Variants in ANKRD26 observed in about 807,000 individuals in gnomAD.
ANKRD26 encodes the protein ankyrin repeat domain 26.
A neutral mutation model predicts 208.7 loss-of-function variants in ANKRD26; 141 were observed. That is an observed-to-expected ratio of 0.68 (90% CI 0.59 to 0.78). ANKRD26 has a LOEUF of 0.78. Ranked by LOEUF, ANKRD26 falls within the 30% of genes least tolerant of loss-of-function variation. ANKRD26 has a pLI of 0.00. For synonymous variants in ANKRD26, 636 were observed against 660.4 expected (o/e 0.96, Z 0.57); for missense variants, 1,889 against 1,938.7 (o/e 0.97, Z 0.48).
At chr10:27,027,195 C>G (rs184924303) in intron 27 of ANKRD26, among the ~76,000 whole-genome samples, 22 of 152,300 alleles carry the variant, frequency 1.4e-4, no homozygotes, top group African/African-American at 4.8e-4. Context: ...GCAGCCATTT[C>G]TACTTTTTCA....
chr10:26,971,035 G>C (rs73596338), downstream of ANKRD26, among the ~76,000 whole-genome samples: 20,288 of 152,184 alleles, frequency 0.13, 3,164 homozygotes, highest in African/African-American at 0.37. Context: ...AAAATGTAAA[G>C]AAATAGCATG....
Position 27,093,793 on chromosome 10 carries a change from A to G in ANKRD26, c.249T>C (p.Ala83=). The change falls in exon 2 of 34, where the codon GCT becomes GCC. Residue 83 remains alanine (A), a synonymous_variant. Coordinates refer to ENST00000376087, the MANE Select transcript of ANKRD26 (RefSeq NM_014915.3). ...GACCATTGGCACAGGCCAAATGTAG[A>G]GCCGTCCTATGAGAGTGACAGGACT... ...LNDRDKMNRT[A]LHLACANGHP... 6.2e-7 allele frequency: 1 copy of G among 1,613,550 alleles called. No homozygotes were observed. The highest frequency in any genetic ancestry group is 8.5e-7 in the Non-Finnish European group (1 of 1,179,420).
chr10:27,046,655 C>G, intron 17 of ANKRD26, 132 bp from the exon 18 acceptor site: 1 of 867,456 alleles, frequency 1.2e-6, no homozygotes, highest in Non-Finnish European at 1.7e-6. Context: ...GTAATTCTAA[C>G]AAAGAATAAA....
chr10:26,972,126 T>G (rs7083260), downstream of ANKRD26, among the ~76,000 whole-genome samples: 6 of 151,286 alleles, frequency 4.0e-5, no homozygotes, highest in African/African-American at 1.5e-4. Context: ...TCCCAGCTAC[T>G]CGGGAGGCTG....
downstream of ANKRD26, among the ~76,000 whole-genome samples, chr10:27,003,398 A>G (rs1303884878): frequency 1.3e-5 from 2 of 152,220 alleles, no homozygotes; most frequent in African/African-American, 4.8e-5. Context: ...GGAATAAGAA[A>G]GTCATCATTT....
intron 32 of ANKRD26, among the ~76,000 whole-genome samples, chr10:27,007,686 T>G (rs2052940786): frequency 6.6e-6 from 1 of 152,118 alleles, no homozygotes; most frequent in Non-Finnish European, 1.5e-5. Context: ...CACTTTCCAT[T>G]GTCTACTTTT....
At chr10:26,986,126 A>G (rs1194445610) in intron 3 of ANKRD26, among the ~76,000 whole-genome samples, 1 of 152,192 alleles carries the variant, frequency 6.6e-6, no homozygotes, top group Non-Finnish European at 1.5e-5. Flanking sequence ...ATAATGCCAT[A>G]TATCTACAAC....
At chr10:27,080,704 T>C in intron 6 of ANKRD26, 1 of 985,490 alleles carries the variant, frequency 1.0e-6, no homozygotes, top group Non-Finnish European at 1.2e-6. Flanking sequence ...CTTCAGCCTA[T>C]GAAGGCACAA....
At chr10:27,077,203 A>C in intron 9 of ANKRD26, 135 bp downstream of exon 9, 1 of 755,148 alleles carries the variant, frequency 1.3e-6, no homozygotes, top group South Asian at 1.7e-5. Flanking sequence ...AACATATGCA[A>C]GTCTTAAATG....
At chr10:27,031,086 A>T (rs1466302183) in intron 25 of ANKRD26, among the ~76,000 whole-genome samples, 1 of 152,220 alleles carries the variant, frequency 6.6e-6, no homozygotes, top group African/African-American at 2.4e-5. Context: ...AGGAGGGGGA[A>T]TTGTGTGCCA....
At chr10:27,092,272 G>A in intron 4 of ANKRD26, 134 bp downstream of exon 4, 1 of 667,018 alleles carries the variant, frequency 1.5e-6, no homozygotes, top group Non-Finnish European at 2.6e-6. Context: ...TGACTTGAGT[G>A]AGAAACACCA....
At chr10:27,036,172 A>G (rs1464723356) in intron 23 of ANKRD26, among the ~76,000 whole-genome samples, 1 of 152,044 alleles carries the variant, frequency 6.6e-6, no homozygotes, top group Admixed American at 6.5e-5. Flanking sequence ...AATTTCCTGA[A>G]GTTTTTCAAG....
chr10:27,035,280 T>C lies in ANKRD26; in HGVS notation c.3170A>G (p.Asp1057Gly). 3 of 1,613,906 alleles carry C rather than the reference T, an allele frequency of 1.9e-6. No individual in the cohort carries two copies. Among genetic ancestry groups the C allele is most frequent in the South Asian group, 1.1e-5 (1 of 91,070 alleles). The change falls in exon 24 of 34, where the codon GAT (aspartate) becomes GGT (glycine). Residue 1057 changes from aspartate to glycine, a missense_variant. Around this residue, in one of 3 missense-constraint regions of ANKRD26, gnomAD observed 1,272 missense variants for 1,273.8 expected, o/e 1.00. Coordinates refer to ENST00000376087, the MANE Select transcript of ANKRD26 (RefSeq NM_014915.3). ...TTGTTGAGAAAGAATCTCATTGTTA[T>C]CTTTTAGGTTAGACACATCAAAATT... ...KMNFDVSNLK[D>G]NNEILSQQLF...
the ANKRD26 span, among the ~76,000 whole-genome samples, chr10:26,967,589 C>T: frequency 6.6e-6 from 1 of 152,136 alleles, no homozygotes; most frequent in Non-Finnish European, 1.5e-5. Flanking sequence ...AATCATACTC[C>T]ACATCTCTCC....
chr10:26,962,213 T>G, the ANKRD26 span, among the ~76,000 whole-genome samples: 5 of 152,134 alleles, frequency 3.3e-5, no homozygotes, highest in African/African-American at 1.2e-4. Context: ...GAGGATCTCT[T>G]GAGCCCAGGA....
At chr10:26,951,794 A>G in the ANKRD26 span, among the ~76,000 whole-genome samples, 50,099 of 144,812 alleles carry the variant, frequency 0.35, 10,465 homozygotes, top group Non-Finnish European at 0.48. Flanking sequence ...TATTAGTCAT[A>G]TCTCTTATTT....
In ANKRD26 at chr10:27,004,950, A is replaced by G. The variant is rs563889260; in HGVS notation, c.*640T>C. On this transcript the variant is annotated 3_prime_UTR_variant, in exon 34 of 34. Transcript: ENST00000376087. ...ACTTGTAGGAATGCCCACTAAAGTA[A>G]TCAGGGGTGATGACATAATGTCAGC... 4 of 761,246 alleles carry G rather than the reference A, an allele frequency of 5.3e-6. No homozygotes were observed. In the South Asian group the frequency reaches 1.8e-4, roughly 34 times the overall value. The allele number at this position is 761,246 out of a possible 1,614,324, so 47.2% of individuals were successfully genotyped here. A position where few individuals can be genotyped will look rare whatever the true frequency, so the allele number is the denominator to read the frequency against.
intron 23 of ANKRD26, 113 bp from the exon 24 acceptor site, chr10:27,035,865 G>A: frequency 2.5e-6 from 2 of 787,674 alleles, no homozygotes; most frequent in South Asian, 1.8e-5. Flanking sequence ...TGCAATAAGT[G>A]TATATCCAAT....
At chr10:27,022,447 A>G in intron 29 of ANKRD26, 111 bp downstream of exon 29, 1 of 872,056 alleles carries the variant, frequency 1.1e-6, no homozygotes. Flanking sequence ...ATTAGTATCA[A>G]GTCCCTAAAG....
Sources: allele counts gnomAD v4.1 joint callset (sites outside exome capture counted in the v4.1 genomes callset), GRCh38; gene constraint gnomAD v4.1.1; regional missense constraint gnomAD v4.1.1; transcripts MANE v1.5; gene names NCBI Gene and HGNC (gene_info 2026-07-23, HGNC 2026-07-21).